The following ROS1 variants were observed in gnomAD, a reference collection of about 807,000 sequenced individuals.
The protein encoded by ROS1 is ROS proto-oncogene 1, receptor tyrosine kinase, also known as proto-oncogene tyrosine-protein kinase ROS.
A neutral mutation model predicts 273.5 loss-of-function variants in ROS1; 263 were observed. That is an observed-to-expected ratio of 0.96 (90% CI 0.87 to 1.06). The LOEUF (loss-of-function observed/expected upper bound fraction) is 1.06. Among genes scored for constraint, ROS1 ranks in the 50% least tolerant of loss-of-function variants. The pLI is 0.00. For synonymous variants in ROS1, 1,008 were observed against 954.1 expected, an observed-to-expected ratio of 1.06 and a Z score of -1.04; for missense variants, 2,833 against 2,751.1, an observed-to-expected ratio of 1.03 and a Z score of -0.67.
chr6:117,401,815 A>C (rs1280540134), intron 7 of ROS1, among the ~76,000 whole-genome samples: 16 of 151,384 alleles, frequency 1.1e-4, no homozygotes, highest in South Asian at 4.1e-4. Context: ...AAAAAAAAAA[A>C]AAAAAAAAAC....
At chr6:117,323,085 C>T (rs1776393143) in intron 35 of ROS1, among the ~76,000 whole-genome samples, 1 of 152,090 alleles carries the variant, frequency 6.6e-6, no homozygotes, top group Non-Finnish European at 1.5e-5. Context: ...CAGTCATATG[C>T]GTAAGTCTGG....
In ROS1 at chr6:117,287,926, A is replaced by C. The variant is rs953953150; in HGVS notation, c.*566T>G. On this transcript the variant is annotated 3_prime_UTR_variant, in exon 44 of 44. Transcript: ENST00000368507. Reference sequence around the variant, plus strand: ...GAGCAAGACTTCGTCTCAAAAAAAAAAAAAAAAAATTAAAAAAAGATAATA... The same window carrying C: ...GAGCAAGACTTCGTCTCAAAAAAAACAAAAAAAAATTAAAAAAAGATAATA... 2.4e-4 allele frequency among the ~76,000 whole-genome samples: 37 copies of C among 151,970 alleles called. 1 individual carries two copies. In the East Asian group the frequency reaches 6.9e-3, roughly 29 times the overall value.
intron 39 of ROS1, among the ~76,000 whole-genome samples, chr6:117,314,878 A>G (rs1775801225): frequency 6.6e-6 from 1 of 152,148 alleles, no homozygotes; most frequent in Non-Finnish European, 1.5e-5. Flanking sequence ...TTGGACACAT[A>G]GGTTCCCATC....
At position 117,312,457 on chromosome 6, in the gene ROS1, T is replaced by C. The variant is rs1425478626; in HGVS notation, c.6118-1340A>G. Among the ~76,000 whole-genome samples the C allele has an allele frequency of 2.6e-5, 4 of 152,064 alleles. No individual in the cohort carries two copies. In the East Asian group the frequency reaches 7.7e-4, roughly 29 times the overall value. On this transcript the variant is annotated intron_variant, in intron 39 of 43. Transcript: ENST00000368507. ...GGCTATGACCTTACTCCCAAATCAATATCCTCCAACCCTATTATCATGGCC... is the reference window on the plus strand; with the variant it reads ...GGCTATGACCTTACTCCCAAATCAACATCCTCCAACCCTATTATCATGGCC...
intron 8 of ROS1, 90 bp downstream of exon 8, chr6:117,396,825 T>G: frequency 1.0e-6 from 1 of 970,382 alleles, no homozygotes; most frequent in Non-Finnish European, 1.6e-6. Flanking sequence ...TCAAAGCACA[T>G]TTAAACTATT....
intron 43 of ROS1, among the ~76,000 whole-genome samples, chr6:117,296,470 T>C (rs1357005196): frequency 6.6e-6 from 1 of 152,090 alleles, no homozygotes; most frequent in African/African-American, 2.4e-5. Flanking sequence ...ACTATTCAGC[T>C]ATAAAAAGAA....
chr6:117,290,136 T>A (rs10484303), intron 43 of ROS1, among the ~76,000 whole-genome samples: 30,105 of 152,082 alleles, frequency 0.2, 3,220 homozygotes, highest in Non-Finnish European at 0.24. Flanking sequence ...ATTTAATCCA[T>A]GAATGAGCAT....
chr6:117,371,200 G>A (rs1056366696), intron 18 of ROS1, among the ~76,000 whole-genome samples: 3 of 152,126 alleles, frequency 2.0e-5, no homozygotes, highest in Non-Finnish European at 4.4e-5. Flanking sequence ...ATCCACAGAC[G>A]CTTTGAAGGA....
chr6:117,385,820 T>C lies in ROS1; in HGVS notation c.2152A>G (p.Lys718Glu). 6.2e-7 allele frequency: 1 copy of C among 1,614,226 alleles called. No homozygotes were observed. The highest frequency in any genetic ancestry group is 1.1e-5 in the South Asian group (1 of 91,082). Residue 718 changes from lysine (K) to glutamate (E), a missense_variant, in exon 16 of 44, where the codon AAA becomes GAA. By Grantham distance (56) the Lys-to-Glu change is moderately conservative. Coordinates refer to ENST00000368507, the MANE Select transcript of ROS1 (RefSeq NM_001378902.1). Reference protein sequence around the residue: ...YNNSLYYSDTKGDVFVWLLNG... With the variant: ...YNNSLYYSDTEGDVFVWLLNG... ...AGCAGCCACACAAAAACGTCGCCTT[T>C]CGTGTCACTGTAGTAGAGGCTGTTG...
Position 117,406,514 on chromosome 6 carries a change from G to T in ROS1, c.317-2086C>A, listed in dbSNP as rs550239628. Reference sequence around the variant, plus strand: ...ATAGACATTGATCCATAGCCAATGAGAAAATAAAAATAAAGCATTGATTAC... The same window carrying T: ...ATAGACATTGATCCATAGCCAATGATAAAATAAAAATAAAGCATTGATTAC... On this transcript the variant is annotated intron_variant, in intron 5 of 43. Transcript: ENST00000368507. Among the ~76,000 whole-genome samples, 517 of 152,154 alleles carry T rather than the reference G, an allele frequency of 3.4e-3. 4 individuals carry two copies. Among genetic ancestry groups the T allele is most frequent in the African/African-American group, 0.012 (490 of 41,534 alleles).
rs753964291 is a variant in ROS1 at position 117,379,109 on chromosome 6, A to C, written c.2532T>G (p.Val844=). 1.4e-5 allele frequency: 23 copies of C among 1,613,360 alleles called. No homozygotes were observed. The South Asian group carries it at 2.4e-4, about 17-fold the overall frequency. The change falls in exon 18 of 44, where the codon GTT becomes GTG. Residue 844 remains valine (V), a synonymous_variant. Coordinates refer to ENST00000368507, the MANE Select transcript of ROS1 (RefSeq NM_001378902.1). The stretch of plus-strand genomic sequence containing the variant: ...ACAGGTGAATACATTGACTGTCTTG[A>C]ACCAACCAATACAGGAGCCCATCAC... ...DLSDGLLYWL[V]QDSQCIHLYT... is the part of the protein sequence containing the mutation.
intron 27 of ROS1, among the ~76,000 whole-genome samples, chr6:117,351,240 C>T (rs533257350): frequency 6.6e-6 from 1 of 152,260 alleles, no homozygotes; most frequent in South Asian, 2.1e-4. Flanking sequence ...AGTCCCCCCA[C>T]CCCACTTAGG....
intron 18 of ROS1, among the ~76,000 whole-genome samples, chr6:117,371,908 A>G (rs1780818917): frequency 6.6e-6 from 1 of 152,136 alleles, no homozygotes; most frequent in African/African-American, 2.4e-5. Context: ...GCAGCCACAC[A>G]CAGCAAGCTC....
At chr6:117,298,590 T>C (rs1375398260) in intron 43 of ROS1, among the ~76,000 whole-genome samples, 1 of 152,218 alleles carries the variant, frequency 6.6e-6, no homozygotes, top group African/African-American at 2.4e-5. Context: ...TAAAATGGCT[T>C]GAGCAAAACA....
In ROS1 at chr6:117,409,626, A is replaced by C. The variant is rs1405807699; in HGVS notation, c.272T>G (p.Val91Gly). 8.7e-6 allele frequency: 14 copies of C among 1,613,898 alleles called. No individual in the cohort carries two copies. The highest frequency in any genetic ancestry group is 1.7e-5 in the Admixed American group (1 of 59,942). The stretch of plus-strand genomic sequence containing the variant: ...TGCACCTTCCGCGCTGCTACAGCCA[A>C]CCTCACACGACTCCCGCTGTGGAAG... ...ATVCERESCE[V>G]GCSSAEGAYE... The change falls in exon 5 of 44, where the codon GTT becomes GGT. Residue 91 changes from valine to glycine, a missense_variant. By Grantham distance (109) the Val-to-Gly change is moderately radical (BLOSUM62 -3). Transcript: ENST00000368507.
At chr6:117,412,633 T>TAG (rs1775013556) in intron 4 of ROS1, among the ~76,000 whole-genome samples, 1 of 148,960 alleles carries the variant, frequency 6.7e-6, no homozygotes, top group Admixed American at 6.6e-5. Flanking sequence ...GATAGATAGA[T>TAG]ATACACATAG....
In ROS1 at chr6:117,385,697, C is replaced by T. The variant is rs1175898010; in HGVS notation, c.2275G>A (p.Gly759Arg). The T allele has an allele frequency of 1.9e-6, 3 of 1,613,964 alleles. No homozygotes were observed. The highest frequency in any genetic ancestry group is 1.7e-5 in the Admixed American group (1 of 60,000). The part of the protein sequence containing the change: ...EWLGHFLYWA[G>R]KTYVIQRQSV... The stretch of plus-strand genomic sequence containing the variant: ...CTTTAACTCACCACATATGTCTTTC[C>T]AGCCCAGTAGAGAAAGTGACCCAGC... The change falls in exon 16 of 44, where the codon GGA (glycine) becomes AGA (arginine). Residue 759 changes from glycine to arginine, a missense_variant. Gly to Arg is a moderately radical substitution (Grantham distance 125). Transcript: ENST00000368507.
rs1232896813 is a variant in ROS1 at position 117,290,457 on chromosome 6, A to G, written c.6716-1655T>C. On this transcript the variant is annotated intron_variant, in intron 43 of 43. Coordinates refer to ENST00000368507, the MANE Select transcript of ROS1 (RefSeq NM_001378902.1). ...GCTTTTGTTTAAAAATTATTTAATA[A>G]GTAGTCTATGGGTCAGATCTTAAGG... Among the ~76,000 whole-genome samples, 5 of 152,226 alleles carry G rather than the reference A, an allele frequency of 3.3e-5. No individual in the cohort carries two copies. In the South Asian group the frequency reaches 1.0e-3, roughly 31 times the overall value.
Position 117,365,217 on chromosome 6 carries a change from C to T in ROS1, c.2959-13G>A. ...CACTAGCCAAGAACTAAAATATAAA[C>T]AGAAAACATTATTTTCTCAGGGAGA... On this transcript the variant is annotated splice_polypyrimidine_tract_variant and intron_variant, in intron 20 of 43. Transcript: ENST00000368507. 1 of 1,565,488 alleles carries T rather than the reference C, an allele frequency of 6.4e-7. No homozygotes were observed. Among genetic ancestry groups the T allele is most frequent in the Non-Finnish European group, 8.7e-7 (1 of 1,153,700 alleles).
Sources: allele counts gnomAD v4.1 joint callset (sites outside exome capture counted in the v4.1 genomes callset), GRCh38; gene constraint gnomAD v4.1.1; transcripts MANE v1.5; gene names NCBI Gene and HGNC (gene_info 2026-07-23, HGNC 2026-07-21).